The following ZBTB20 variants were observed in gnomAD, a reference collection of about 807,000 sequenced individuals.
ZBTB20 encodes zinc finger and BTB domain containing 20.
Under a neutral mutation model 56.9 loss-of-function variants are expected in ZBTB20, and 9 were observed. The observed-to-expected ratio is 0.16, with a 90% CI of 0.10 to 0.28. ZBTB20 has a LOEUF of 0.28. ZBTB20 is among the 10% of genes least tolerant of loss of function. The pLI is 1.00. For synonymous variants in ZBTB20, 417 were observed against 420.7 expected (o/e 0.99, Z 0.11); for missense variants, 655 against 1,003.0 (o/e 0.65, Z 4.69).
At chr3:114,926,888 A>G (rs544763732) in intron 3 of ZBTB20, among the ~76,000 whole-genome samples, 1 of 152,212 alleles carries the variant, frequency 6.6e-6, no homozygotes, top group South Asian at 2.1e-4. Flanking sequence ...ACAGGCATAC[A>G]CCACCACATC....
At chr3:114,788,433 T>C (rs2070710905) in intron 5 of ZBTB20, among the ~76,000 whole-genome samples, 1 of 152,200 alleles carries the variant, frequency 6.6e-6, no homozygotes. Context: ...TACTAGGTAC[T>C]TACTCGGCAC....
At chr3:114,368,951 C>G (rs1485353388) in intron 10 of ZBTB20, among the ~76,000 whole-genome samples, 1 of 152,200 alleles carries the variant, frequency 6.6e-6, no homozygotes, top group Non-Finnish European at 1.5e-5. Flanking sequence ...CAGTATTTCC[C>G]TGAGAAAATG....
At chr3:114,916,678 T>G (rs1364056678) in intron 3 of ZBTB20, among the ~76,000 whole-genome samples, 1 of 152,148 alleles carries the variant, frequency 6.6e-6, no homozygotes, top group Non-Finnish European at 1.5e-5. Flanking sequence ...TATTATAGGG[T>G]AAGAGTTTAT....
intron 5 of ZBTB20, among the ~76,000 whole-genome samples, chr3:114,711,203 T>G (rs1351592381): frequency 1.3e-5 from 2 of 151,678 alleles, no homozygotes; most frequent in Non-Finnish European, 2.9e-5. Flanking sequence ...GATTTTTTTT[T>G]GTTTACATAA....
intron 6 of ZBTB20, among the ~76,000 whole-genome samples, chr3:114,627,707 T>A (rs890755672): frequency 6.6e-6 from 1 of 152,220 alleles, no homozygotes; most frequent in Non-Finnish European, 1.5e-5. Flanking sequence ...TTGTATTTTG[T>A]AGGAATGCAC....
intron 1 of ZBTB20, among the ~76,000 whole-genome samples, chr3:115,083,116 T>C (rs1196230553): frequency 6.6e-6 from 1 of 152,074 alleles, no homozygotes; most frequent in Non-Finnish European, 1.5e-5. Flanking sequence ...AAGCTACATA[T>C]AACTCTTATC....
chr3:114,702,978 T>C (rs757829868), intron 5 of ZBTB20, among the ~76,000 whole-genome samples: 9 of 150,880 alleles, frequency 6.0e-5, no homozygotes, highest in Non-Finnish European at 1.0e-4. Context: ...ATTTTTTAAA[T>C]GAATCTTACA....
chr3:114,318,907 C>G lies in ZBTB20; in HGVS notation c.*20098G>C, dbSNP rs2078792302. The G allele has an allele frequency of 1.3e-5, 2 of 152,138 alleles. No individual in the cohort carries two copies. Among genetic ancestry groups the G allele is most frequent in the African/African-American group, 4.8e-5 (2 of 41,434 alleles). 9.4% of individuals were successfully genotyped at this position (152,138 alleles called of 1,614,324 possible). A position where few individuals can be genotyped will look rare whatever the true frequency, so the allele number is the denominator to read the frequency against. On this transcript the variant is annotated 3_prime_UTR_variant, in exon 12 of 12. Transcript: ENST00000675478. ...GGTAAAATGCTTCCACACTTAAACT[C>G]ACAGTCCAGTGTTTTTGACATTTCA...
At chr3:114,974,616 T>C (rs1413980589) in intron 2 of ZBTB20, among the ~76,000 whole-genome samples, 200 bp from the exon 3 acceptor site, 1 of 152,180 alleles carries the variant, frequency 6.6e-6, no homozygotes, top group African/African-American at 2.4e-5. Context: ...TCTAAACCAC[T>C]GCATATACAT....
rs1049023564 is a variant in ZBTB20, at chr3:114,890,413, G to C, written c.-417+9891C>G. 3.3e-5 allele frequency among the ~76,000 whole-genome samples: 5 copies of C among 152,276 alleles called. 1 individual carries two copies. In the Middle Eastern group the frequency reaches 0.014, roughly 414 times the overall value. ...ACAATAAGAACCTACAGAAACACAT[G>C]GGAGATCTAACTCGGATAGGATGGT... On this transcript the variant is annotated intron_variant, in intron 4 of 11. Transcript: ENST00000675478.
intron 2 of ZBTB20, among the ~76,000 whole-genome samples, chr3:114,988,718 C>A (rs973782438): frequency 6.6e-6 from 1 of 152,148 alleles, no homozygotes; most frequent in African/African-American, 2.4e-5. Flanking sequence ...GTCCCACCAA[C>A]AGTGTAAAAG....
intron 6 of ZBTB20, among the ~76,000 whole-genome samples, chr3:114,659,430 T>G (rs1184755824): frequency 3.3e-5 from 5 of 152,240 alleles, no homozygotes; most frequent in Non-Finnish European, 5.9e-5. Context: ...CTTTCCGCCC[T>G]CTGACAGACC....
chr3:114,864,365 T>C (rs897192965), intron 4 of ZBTB20, among the ~76,000 whole-genome samples: 1 of 152,096 alleles, frequency 6.6e-6, no homozygotes, highest in Non-Finnish European at 1.5e-5. Context: ...ATTGTACCTC[T>C]TATCATTTCT....
intron 4 of ZBTB20, among the ~76,000 whole-genome samples, chr3:114,853,206 A>G (rs960365345): frequency 3.3e-5 from 5 of 152,162 alleles, no homozygotes; most frequent in Admixed American, 2.0e-4. Flanking sequence ...AACAAGCCTT[A>G]GCAACCCTTC....
At chr3:114,681,706 T>A (rs1047452076) in intron 6 of ZBTB20, among the ~76,000 whole-genome samples, 12 of 152,176 alleles carry the variant, frequency 7.9e-5, no homozygotes, top group Non-Finnish European at 1.5e-4. Flanking sequence ...TTTGAACCTA[T>A]CCAATCATTT....
chr3:114,466,248 T>C (rs2092547422), intron 7 of ZBTB20, among the ~76,000 whole-genome samples: 1 of 152,188 alleles, frequency 6.6e-6, no homozygotes, highest in Admixed American at 6.5e-5. Context: ...TAACACAATG[T>C]GCCTAATATT....
chr3:115,129,850 T>C (rs1487703170), intron 1 of ZBTB20, among the ~76,000 whole-genome samples: 1 of 152,194 alleles, frequency 6.6e-6, no homozygotes, highest in Non-Finnish European at 1.5e-5. Flanking sequence ...ATCTTAGACT[T>C]TCAGCGATTA....
At chr3:114,728,042 A>G (rs2065434642) in intron 5 of ZBTB20, among the ~76,000 whole-genome samples, 1 of 152,192 alleles carries the variant, frequency 6.6e-6, no homozygotes, top group African/African-American at 2.4e-5. Context: ...AGAAAAATAG[A>G]CAATCAAATT....
intron 5 of ZBTB20, among the ~76,000 whole-genome samples, chr3:114,724,030 G>A (rs1408755954): frequency 1.3e-5 from 2 of 150,944 alleles, no homozygotes; most frequent in African/African-American, 2.5e-5. Context: ...CACCGAGCCC[G>A]GCTAATTTTT....
Sources: gnomAD v4.1 joint callset for allele counts (sites outside exome capture counted in the v4.1 genomes callset) on GRCh38, gnomAD v4.1.1 for gene constraint, MANE v1.5 for transcripts, NCBI Gene and HGNC (gene_info 2026-07-23, HGNC 2026-07-21) for gene names.